EYS: variants seen among roughly 807,000 people sequenced by gnomAD.
The protein encoded by EYS is EGF-like photoreceptor maintenance factor.
EYS carries 250 observed loss-of-function variants against 282.1 expected under a neutral mutation model. The observed-to-expected ratio is 0.89, with a 90% confidence interval of 0.80 to 0.98. The LOEUF is 0.98. Among genes scored for constraint, EYS ranks in the 50% least tolerant of loss-of-function variants. The pLI is 0.00. For missense variants in EYS, 4,016 were observed against 3,709.0 expected, an observed-to-expected ratio of 1.08 and a Z score of -2.15; for synonymous variants, 1,355 against 1,282.9, an observed-to-expected ratio of 1.06 and a Z score of -1.20.
At chr6:64,619,662 T>G (rs543814413) in intron 23 of EYS, among the ~76,000 whole-genome samples, 1 of 152,104 alleles carries the variant, frequency 6.6e-6, no homozygotes, top group Non-Finnish European at 1.5e-5. Flanking sequence ...TCATTGTTGT[T>G]GTTTTTGCTG....
chr6:64,790,932 A>G (rs973821885), intron 22 of EYS, among the ~76,000 whole-genome samples: 3 of 151,946 alleles, frequency 2.0e-5, no homozygotes, highest in African/African-American at 7.2e-5. Flanking sequence ...ATTTAAAAAC[A>G]TCTTTCAAAT....
At chr6:64,500,997 G>T (rs1738287747) in intron 26 of EYS, among the ~76,000 whole-genome samples, 1 of 147,308 alleles carries the variant, frequency 6.8e-6, no homozygotes, top group Middle Eastern at 3.6e-3. Flanking sequence ...GAGGTTTTTA[G>T]GTACATTCTA....
At chr6:64,356,353 G>A (rs1042735455) in intron 29 of EYS, among the ~76,000 whole-genome samples, 2 of 151,482 alleles carry the variant, frequency 1.3e-5, no homozygotes, top group African/African-American at 2.4e-5. Context: ...CCATTTGAAT[G>A]CTATTTACTC....
intron 2 of EYS, among the ~76,000 whole-genome samples, chr6:65,596,033 A>G (rs145156880): frequency 7.2e-4 from 109 of 152,182 alleles, no homozygotes; most frequent in African/African-American, 2.4e-3. Context: ...CTGAAGATGA[A>G]TTGATATCTC....
At chr6:64,355,161 T>C (rs76363894) in intron 29 of EYS, among the ~76,000 whole-genome samples, 2,622 of 151,728 alleles carry the variant, frequency 0.017, 67 homozygotes, top group African/African-American at 0.06. Flanking sequence ...AAAAAAATTG[T>C]CCATGTGCTG....
At chr6:64,130,871 T>G (rs1358527699) in intron 31 of EYS, among the ~76,000 whole-genome samples, 1 of 152,092 alleles carries the variant, frequency 6.6e-6, no homozygotes, top group Admixed American at 6.5e-5. Flanking sequence ...GTGATTTATT[T>G]ATTTATTTAT....
At chr6:63,735,878 T>C (rs1020728811) in intron 41 of EYS, among the ~76,000 whole-genome samples, 15 of 152,150 alleles carry the variant, frequency 9.9e-5, no homozygotes, top group African/African-American at 3.4e-4. Context: ...CTTTACATCC[T>C]GTAGAATGAC....
intron 10 of EYS, among the ~76,000 whole-genome samples, chr6:65,341,223 T>G (rs990603792): frequency 1.3e-5 from 2 of 151,078 alleles, no homozygotes; most frequent in African/African-American, 4.8e-5. Context: ...TTGTCACCTT[T>G]TAAAAAATCT....
intron 41 of EYS, among the ~76,000 whole-genome samples, chr6:63,731,586 A>G (rs1768782666): frequency 6.6e-6 from 1 of 152,124 alleles, no homozygotes; most frequent in Admixed American, 6.5e-5. Flanking sequence ...ATAGTTATGT[A>G]TAATCATCTA....
intron 12 of EYS, among the ~76,000 whole-genome samples, chr6:65,133,479 C>A (rs1159565769): frequency 6.6e-6 from 1 of 151,874 alleles, no homozygotes. Flanking sequence ...AGGCTGAACA[C>A]CTACAACCAC....
At chr6:64,461,527 G>A (rs1357992647) in intron 26 of EYS, among the ~76,000 whole-genome samples, 2 of 152,064 alleles carry the variant, frequency 1.3e-5, no homozygotes, top group African/African-American at 2.4e-5. Context: ...TGGCATTAGT[G>A]GAAGATTGAG....
Position 65,466,544 on chromosome 6 carries a change from T to C in EYS, c.862+24050A>G, listed in dbSNP as rs527839245. Among the ~76,000 whole-genome samples, 4 of 152,110 alleles carry C rather than the reference T, an allele frequency of 2.6e-5. No homozygotes were observed. The East Asian group carries it at 7.7e-4, about 29-fold the overall frequency. On this transcript the variant is annotated intron_variant, in intron 5 of 42. Transcript: ENST00000503581. ...AGGAACATTGTTAAAATTCTCACTG[T>C]TACAACCATTTACTACTGTCCTAGA...
chr6:64,112,987 G>A (rs912560471), intron 31 of EYS, among the ~76,000 whole-genome samples: 1 of 151,812 alleles, frequency 6.6e-6, no homozygotes, highest in Admixed American at 6.6e-5. Flanking sequence ...ACAATGTAGA[G>A]TTCTGTAATT....
intron 19 of EYS, among the ~76,000 whole-genome samples, chr6:64,825,181 A>C (rs966119927): frequency 6.6e-6 from 1 of 151,836 alleles, no homozygotes; most frequent in Non-Finnish European, 1.5e-5. Flanking sequence ...CACAGTTTAC[A>C]TCTTCTTCAG....
In EYS at chr6:65,263,547, G is replaced by T. The variant is rs190177619; in HGVS notation, c.2023+32316C>A. Among the ~76,000 whole-genome samples, 396 of 152,070 alleles carry T rather than the reference G, an allele frequency of 2.6e-3. 9 individuals are homozygous for T. The highest frequency in any genetic ancestry group is 0.024 in the Admixed American group (360 of 15,256). Reference sequence around the variant, plus strand: ...AAAGTCAGTTTTAAAACAGGCTGATGAATTTGTATTATAATTAATGTTTGA... The same window carrying T: ...AAAGTCAGTTTTAAAACAGGCTGATTAATTTGTATTATAATTAATGTTTGA... On this transcript the variant is annotated intron_variant, in intron 12 of 42. Coordinates refer to ENST00000503581, the MANE Select transcript of EYS (RefSeq NM_001142800.2).
intron 19 of EYS, among the ~76,000 whole-genome samples, chr6:64,858,648 G>A (rs543067964): frequency 9.7e-4 from 147 of 151,740 alleles, no homozygotes; most frequent in Middle Eastern, 3.4e-3. Context: ...ATGACTAATT[G>A]GTATTTATGC....
chr6:64,958,275 G>C (rs1053005947), intron 14 of EYS, among the ~76,000 whole-genome samples: 9 of 152,130 alleles, frequency 5.9e-5, no homozygotes, highest in African/African-American at 2.2e-4. Context: ...CTAGTTGTTC[G>C]GGAGGCTGAG....
intron 22 of EYS, among the ~76,000 whole-genome samples, chr6:64,719,310 T>G (rs1771496915): frequency 6.6e-6 from 1 of 152,208 alleles, no homozygotes; most frequent in African/African-American, 2.4e-5. Flanking sequence ...TACGGAGTTC[T>G]GGGATATGTT....
chr6:65,422,356 G>A (rs1018228111), intron 5 of EYS, among the ~76,000 whole-genome samples: 2 of 151,778 alleles, frequency 1.3e-5, no homozygotes, highest in Non-Finnish European at 2.9e-5. Flanking sequence ...ACTAAAGTTG[G>A]AAGAATCTTA....
Sources: gnomAD v4.1 joint callset for allele counts (sites outside exome capture counted in the v4.1 genomes callset) on GRCh38, gnomAD v4.1.1 for gene constraint, MANE v1.5 for transcripts, NCBI Gene and HGNC (gene_info 2026-07-23, HGNC 2026-07-21) for gene names.